Variants in ANO4 observed in about 807,000 individuals in gnomAD.
ANO4 encodes the protein anoctamin 4, also known as anoctamin-4.
A neutral mutation model predicts 141.9 loss-of-function variants in ANO4; 69 were observed. The observed-to-expected ratio is 0.49, with a 90% confidence interval of 0.40 to 0.59. The LOEUF (loss-of-function observed/expected upper bound fraction) is 0.59. ANO4 is among the 20% of genes least tolerant of loss of function. ANO4 has a pLI of 0.00. For missense variants in ANO4, 894 were observed against 1,162.2 expected (o/e 0.77, Z 3.36); for synonymous variants, 350 against 394.3 (o/e 0.89, Z 1.33).
chr12:100,971,225 A>C, intron 5 of ANO4, 81 bp from the exon 6 acceptor site: 1 of 943,900 alleles, frequency 1.1e-6, no homozygotes, highest in Non-Finnish European at 1.7e-6. Flanking sequence ...GTCCAGGTCC[A>C]TGCATTCTAA....
At chr12:100,902,299 A>G (rs948347935) in intron 2 of ANO4, among the ~76,000 whole-genome samples, 4 of 152,210 alleles carry the variant, frequency 2.6e-5, no homozygotes, top group Non-Finnish European at 5.9e-5. Flanking sequence ...ATTATATTAT[A>G]TTGTTTTAAG....
intron 16 of ANO4, among the ~76,000 whole-genome samples, chr12:101,085,939 G>C (rs188154725): frequency 6.6e-6 from 1 of 152,214 alleles, no homozygotes; most frequent in Admixed American, 6.5e-5. Context: ...TATAAGTAGT[G>C]TCCTGAAAAA....
chr12:100,821,846 T>C (rs1472189338), intron 1 of ANO4, among the ~76,000 whole-genome samples: 1 of 152,046 alleles, frequency 6.6e-6, no homozygotes, highest in Non-Finnish European at 1.5e-5. Context: ...AGGCTGACAT[T>C]GCCGTAGTAT....
chr12:100,913,728 T>G (rs1354112795), intron 2 of ANO4, among the ~76,000 whole-genome samples: 1 of 152,210 alleles, frequency 6.6e-6, no homozygotes, highest in Non-Finnish European at 1.5e-5. Flanking sequence ...GAGCTGAGAT[T>G]TAAAAGTCTA....
Position 100,827,080 on chromosome 12 carries a change from T to C in ANO4, c.-141+32053T>C, listed in dbSNP as rs146371489. ...AACCAGAGTAGTCTTGTAAAACATG[T>C]CAGGTCCTATTACTCCCTTGCTGAA... On this transcript the variant is annotated intron_variant, in intron 1 of 27. Transcript: ENST00000392977. Among the ~76,000 whole-genome samples, 466 of 152,156 alleles carry C rather than the reference T, an allele frequency of 3.1e-3. 6 individuals are homozygous for C. The highest frequency in any genetic ancestry group is 0.01 in the African/African-American group (427 of 41,524).
chr12:101,079,331 ACC>A (rs34514121), intron 15 of ANO4, 56 bp downstream of exon 15: 16 of 1,306,888 alleles, frequency 1.2e-5, no homozygotes, highest in East Asian at 2.4e-5. Context: ...GAACCACACG[ACC>A]CCCCCCCAAA....
intron 9 of ANO4, among the ~76,000 whole-genome samples, chr12:101,034,791 G>C (rs534538527): frequency 6.6e-6 from 1 of 152,172 alleles, no homozygotes; most frequent in East Asian, 1.9e-4. Flanking sequence ...AAGATATACA[G>C]ATGGCAAACA....
At chr12:100,832,252 T>C (rs2036671629) in intron 1 of ANO4, among the ~76,000 whole-genome samples, 2 of 152,112 alleles carry the variant, frequency 1.3e-5, no homozygotes, top group Admixed American at 1.3e-4. Flanking sequence ...TAGTCTTATA[T>C]TTCAGGGTAC....
intron 3 of ANO4, among the ~76,000 whole-genome samples, chr12:100,938,423 T>C (rs2042375088): frequency 6.6e-6 from 1 of 152,186 alleles, no homozygotes; most frequent in African/African-American, 2.4e-5. Context: ...CGTGCTTGGG[T>C]AAGAAGAACC....
At chr12:100,842,449 A>G (rs1290726335) in intron 1 of ANO4, among the ~76,000 whole-genome samples, 1 of 151,772 alleles carries the variant, frequency 6.6e-6, no homozygotes, top group Non-Finnish European at 1.5e-5. Flanking sequence ...AATGTTTTTT[A>G]GAGGCTCATT....
At position 100,992,563 on chromosome 12, in the gene ANO4, G is replaced by T. The variant is rs577119028; in HGVS notation, c.734+4893G>T. ...CTCCTTCCCCACTAATCCTTCCAAA[G>T]ATTGGGTCTCTGTTCTATACTGTTG... On this transcript the variant is annotated intron_variant, in intron 8 of 27. Transcript: ENST00000392977. Among the ~76,000 whole-genome samples the T allele has an allele frequency of 7.9e-5, 12 of 152,224 alleles. No individual in the cohort carries two copies. In the East Asian group the frequency reaches 1.3e-3, roughly 17 times the overall value.
intron 8 of ANO4, among the ~76,000 whole-genome samples, chr12:101,012,889 A>AAGAG (rs1367670952): frequency 6.6e-6 from 1 of 152,146 alleles, no homozygotes; most frequent in African/African-American, 2.4e-5. Context: ...TGTTGGGCAT[A>AAGAG]AGAGAGAGGG....
intron 3 of ANO4, among the ~76,000 whole-genome samples, chr12:100,741,564 TC>T (rs1211485622): frequency 6.6e-6 from 1 of 152,112 alleles, no homozygotes. Context: ...CTCCAAAGGC[TC>T]TTTAGTCAAA....
intron 3 of ANO4, among the ~76,000 whole-genome samples, chr12:100,780,567 T>C (rs2033682661): frequency 6.6e-6 from 1 of 152,226 alleles, no homozygotes; most frequent in African/African-American, 2.4e-5. Flanking sequence ...GTCATGGCAC[T>C]GGTGGGAATG....
chr12:100,878,324 G>A (rs1565962450), intron 1 of ANO4, among the ~76,000 whole-genome samples: 1 of 152,232 alleles, frequency 6.6e-6, no homozygotes, highest in African/African-American at 2.4e-5. Flanking sequence ...AGGGAATTCA[G>A]TGAGATAGTA....
intron 8 of ANO4, among the ~76,000 whole-genome samples, chr12:101,007,464 C>T (rs187585175): frequency 3.9e-5 from 6 of 152,134 alleles, no homozygotes; most frequent in African/African-American, 7.2e-5. Context: ...ATCTCTTAAT[C>T]CTCAAACATC....
rs1012986279 is a variant in ANO4, at chr12:101,109,521, G to C, written c.2150-883G>C. Among the ~76,000 whole-genome samples the C allele has an allele frequency of 2.6e-5, 4 of 151,906 alleles. 1 individual carries two copies. The highest frequency in any genetic ancestry group is 2.6e-4 in the Admixed American group (4 of 15,244). The stretch of plus-strand genomic sequence containing the variant: ...GGTTGCAGTGAGCCGAGATCGTGCT[G>C]CTACACTCCAGCCTGGGGGACAGAG... On this transcript the variant is annotated intron_variant, in intron 22 of 27. Coordinates refer to ENST00000392977, the MANE Select transcript of ANO4 (RefSeq NM_001286615.2).
At chr12:100,858,570 A>T (rs1194909707) in intron 1 of ANO4, among the ~76,000 whole-genome samples, 1 of 151,868 alleles carries the variant, frequency 6.6e-6, no homozygotes, top group African/African-American at 2.4e-5. Context: ...ATCCTTCTTG[A>T]TTTCTTTTGC....
intron 14 of ANO4, among the ~76,000 whole-genome samples, chr12:101,060,245 CTGTT>C (rs1186626717): frequency 1.3e-4 from 20 of 152,158 alleles, no homozygotes; most frequent in African/African-American, 4.3e-4. Context: ...GTCTGAAAGA[CTGTT>C]TGTTATGATT....
Sources: allele counts gnomAD v4.1 joint callset (sites outside exome capture counted in the v4.1 genomes callset), GRCh38; gene constraint gnomAD v4.1.1; transcripts MANE v1.5; gene names NCBI Gene and HGNC (gene_info 2026-07-23, HGNC 2026-07-21).